Variants in MDN1 observed in about 807,000 individuals in gnomAD.
The protein encoded by MDN1 is midasin.
Under a neutral mutation model 669.2 loss-of-function variants are expected in MDN1, and 266 were observed. The ratio of observed to expected loss-of-function variants is 0.40; its 90% CI spans 0.36 to 0.44. The LOEUF (loss-of-function observed/expected upper bound fraction) is 0.44. MDN1 is among the 20% of genes least tolerant of loss of function. MDN1 has a pLI of 1.00. For synonymous variants in MDN1, 2,385 were observed against 2,457.1 expected (o/e 0.97, Z 0.87); for missense variants, 5,940 against 6,754.0 (o/e 0.88, Z 4.22).
Position 89,664,513 on chromosome 6 carries a change from AT to A in MDN1, c.14209del (p.Met4737CysfsTer38). On this transcript the variant is annotated frameshift_variant, in exon 85 of 102. Transcript: ENST00000369393. LOFTEE classifies it high-confidence loss of function. ...TTGTTCTTCAAGCTCCCCATCATGCATTTTCCCATCAAAATCTTCCGACATC... is the reference window on the plus strand; with the variant it reads ...TTGTTCTTCAAGCTCCCCATCATGCATTTCCCATCAAAATCTTCCGACATC... ...IEMSEDFDGKMHDGELEEQEE... is the reference protein window; with the variant it reads ...IEMSEDFDGKXHDGELEEQEE... The A allele has an allele frequency of 6.2e-7, 1 of 1,614,010 alleles. No individual in the cohort carries two copies. Among genetic ancestry groups the A allele is most frequent in the Non-Finnish European group, 8.5e-7 (1 of 1,180,000 alleles).
Position 89,674,278 on chromosome 6 carries a change from T to A in MDN1, c.13073A>T (p.Tyr4358Phe). 1.2e-6 allele frequency: 2 copies of A among 1,614,222 alleles called. No homozygotes were observed. The highest frequency in any genetic ancestry group is 1.7e-6 in the Non-Finnish European group (2 of 1,180,042). The change falls in exon 79 of 102, where the codon TAC becomes TTC. Residue 4358 changes from tyrosine (Y) to phenylalanine (F), a missense_variant. Tyr to Phe is a conservative substitution (Grantham distance 22, BLOSUM62 3). This residue lies in a region of MDN1 where 2,280 missense variants were observed against 2,576.3 expected (regional missense o/e 0.88). Coordinates refer to ENST00000369393, the MANE Select transcript of MDN1 (RefSeq NM_014611.3). ...CTGACTTCCAGGTATTGGAGATGGG[T>A]AGCTCAGATTGGAAGGAATTAGGTC... ...VLDLIPSNLSYPSPIPGSQLP... is the reference protein window; with the variant it reads ...VLDLIPSNLSFPSPIPGSQLP...
chr6:89,705,119 G>A (rs1199599675), intron 53 of MDN1, among the ~76,000 whole-genome samples: 1 of 152,106 alleles, frequency 6.6e-6, no homozygotes, highest in Non-Finnish European at 1.5e-5. Context: ...CTTTTCACAA[G>A]CCAGACATAC....
At chr6:89,662,307 C>A (rs1463476210) in intron 86 of MDN1, 68 bp from the exon 87 acceptor site, 3 of 1,496,062 alleles carry the variant, frequency 2.0e-6, no homozygotes, top group African/African-American at 2.8e-5. Flanking sequence ...CATGGGTTGA[C>A]TTTTAGACAT....
chr6:89,746,018 G>A (rs1816595598), intron 27 of MDN1, among the ~76,000 whole-genome samples: 1 of 152,152 alleles, frequency 6.6e-6, no homozygotes, highest in Non-Finnish European at 1.5e-5. Flanking sequence ...TACACATAAT[G>A]GCATGACTGA....
At chr6:89,712,403 T>C (rs1031712000) in intron 48 of MDN1, 147 bp from the exon 49 acceptor site, 26 of 983,976 alleles carry the variant, frequency 2.6e-5, no homozygotes, top group Non-Finnish European at 3.8e-5. Flanking sequence ...AGTTAAAACA[T>C]ACCTAATAAA....
intron 74 of MDN1, 57 bp downstream of exon 74, chr6:89,680,532 C>T (rs757908434): frequency 6.3e-7 from 1 of 1,586,682 alleles, no homozygotes. Context: ...TCTCAGCCCT[C>T]CTGCGCCACT....
intron 5 of MDN1, among the ~76,000 whole-genome samples, chr6:89,792,090 G>A (rs990181658): frequency 6.6e-5 from 10 of 151,736 alleles, no homozygotes; most frequent in Admixed American, 5.3e-4. Flanking sequence ...GGATGGTCTC[G>A]ATCTCCTGAC....
At chr6:89,692,023 T>A (rs1812405320) in intron 63 of MDN1, among the ~76,000 whole-genome samples, 1 of 152,232 alleles carries the variant, frequency 6.6e-6, no homozygotes, top group Non-Finnish European at 1.5e-5. Context: ...GGATACCTGG[T>A]ATGTTAGCAG....
At chr6:89,747,740 A>C (rs1461908699) in intron 26 of MDN1, among the ~76,000 whole-genome samples, 2 of 149,624 alleles carry the variant, frequency 1.3e-5, no homozygotes, top group African/African-American at 4.9e-5. Context: ...AAATACAAAA[A>C]ATTAGCCGGG....
chr6:89,703,688 G>A (rs987564638), intron 53 of MDN1, among the ~76,000 whole-genome samples: 1 of 152,100 alleles, frequency 6.6e-6, no homozygotes, highest in African/African-American at 2.4e-5. Flanking sequence ...ACACTGTATT[G>A]AAAATCAATG....
Position 89,696,375 on chromosome 6 carries a change from G to A in MDN1, c.9368C>T (p.Ser3123Leu). Residue 3123 changes from serine to leucine, a missense_variant, in exon 60 of 102, where the codon TCA becomes TTA. Ser to Leu is a moderately radical substitution (Grantham distance 145). Coordinates refer to ENST00000369393, the MANE Select transcript of MDN1 (RefSeq NM_014611.3). ...SMLWTNMAIS[S>L]VAEFRRTDSQ... ...GAGGGAATACCTGAATTCTGCTACT[G>A]AAGAGATAGCCATGTTAGTCCAAAG... The A allele has an allele frequency of 3.7e-6, 6 of 1,614,078 alleles. No homozygotes were observed. The highest frequency in any genetic ancestry group is 5.1e-6 in the Non-Finnish European group (6 of 1,179,998).
chr6:89,796,453 C>T (rs1434958169), intron 2 of MDN1, among the ~76,000 whole-genome samples: 2 of 151,744 alleles, frequency 1.3e-5, no homozygotes, highest in African/African-American at 4.8e-5. Flanking sequence ...CAAAAACCTC[C>T]TACCAAAGAA....
rs750806747 is a variant in MDN1 at position 89,692,964 on chromosome 6, T to C, written c.10066A>G (p.Ile3356Val). Residue 3356 changes from isoleucine to valine, a missense_variant, in exon 63 of 102, where the codon ATA (isoleucine) becomes GTA (valine). Coordinates refer to ENST00000369393, the MANE Select transcript of MDN1 (RefSeq NM_014611.3). ...ACTTGGGCAGACCGTGGCCCATCTA[T>C]GTGGAGGGCCTGCAGAAGCCGTGTG... ...LLTRLLQALHIDGPRSAQVAQ... is the reference protein window; with the variant it reads ...LLTRLLQALHVDGPRSAQVAQ... 2.5e-6 allele frequency: 4 copies of C among 1,614,094 alleles called. No individual in the cohort carries two copies. Among genetic ancestry groups the C allele is most frequent in the East Asian group, 2.2e-5 (1 of 44,882 alleles).
chr6:89,698,496 G>A (rs868219432), intron 59 of MDN1, among the ~76,000 whole-genome samples: 10 of 152,098 alleles, frequency 6.6e-5, no homozygotes, highest in Admixed American at 2.6e-4. Flanking sequence ...TCTTGTTTAC[G>A]TATGTATTTA....
At chr6:89,724,617 T>C (rs1815086289) in intron 38 of MDN1, among the ~76,000 whole-genome samples, 1 of 152,244 alleles carries the variant, frequency 6.6e-6, no homozygotes, top group Non-Finnish European at 1.5e-5. Flanking sequence ...CAGCCAATTC[T>C]TAATCATAAG....
chr6:89,745,890 T>C (rs1353435328), intron 27 of MDN1, among the ~76,000 whole-genome samples: 1 of 152,024 alleles, frequency 6.6e-6, no homozygotes, highest in Non-Finnish European at 1.5e-5. Flanking sequence ...TGTTCATAAC[T>C]AAAAAATTAA....
intron 35 of MDN1, among the ~76,000 whole-genome samples, chr6:89,729,502 G>A (rs992414919): frequency 6.6e-6 from 1 of 152,128 alleles, no homozygotes; most frequent in Non-Finnish European, 1.5e-5. Context: ...GTGTAAGCTA[G>A]GCATATGGGC....
chr6:89,687,390 C>G lies in MDN1; in HGVS notation c.11404G>C (p.Asp3802His), dbSNP rs1010694583. 1 of 1,614,096 alleles carries G rather than the reference C, an allele frequency of 6.2e-7. No individual in the cohort carries two copies. ...SRALSLRKHL[D>H]LISQMIIRWR... ...CGAATGATCATCTGACTGATCAAAT[C>G]AAGATGTTTCCGCAAAGACAAAGCT... Residue 3802 changes from aspartate (D) to histidine (H), a missense_variant, in exon 68 of 102, where the codon GAT becomes CAT. Asp to His is a moderately conservative substitution (Grantham distance 81). Coordinates refer to ENST00000369393, the MANE Select transcript of MDN1 (RefSeq NM_014611.3).
chr6:89,654,021 T>C (rs1809070364), intron 93 of MDN1, 143 bp downstream of exon 93: 2 of 983,804 alleles, frequency 2.0e-6, no homozygotes, highest in Non-Finnish European at 1.4e-6. Context: ...AAACAAAATA[T>C]AGTGAAATTA....
Sources: gnomAD v4.1 joint callset for allele counts (sites outside exome capture counted in the v4.1 genomes callset) on GRCh38, gnomAD v4.1.1 for gene constraint, gnomAD v4.1.1 regional missense constraint, MANE v1.5 for transcripts, NCBI Gene and HGNC (gene_info 2026-07-23, HGNC 2026-07-21) for gene names.